POSTN: variants seen among roughly 807,000 people sequenced by gnomAD.
POSTN encodes periostin.
POSTN carries 71 observed loss-of-function variants against 104.5 expected under a neutral mutation model. That is an observed-to-expected ratio of 0.68 (90% CI 0.56 to 0.83). The LOEUF is 0.83. Ranked by LOEUF, POSTN falls within the 40% of genes least tolerant of loss-of-function variation. POSTN has a pLI of 0.00. For synonymous variants in POSTN, 355 were observed against 340.7 expected (o/e 1.04, Z -0.46); for missense variants, 949 against 1,006.8 (o/e 0.94, Z 0.78).
At chr13:37,573,108 G>A (rs1025507201) in intron 17 of POSTN, among the ~76,000 whole-genome samples, 1 of 151,462 alleles carries the variant, frequency 6.6e-6, no homozygotes, top group Non-Finnish European at 1.5e-5. Context: ...GTTGAATAAA[G>A]AAGCTTCAAA....
chr13:37,563,202 T>C lies in POSTN; in HGVS notation c.*131A>G. The stretch of plus-strand genomic sequence containing the variant: ...AGAAAAAAAAATATTAAATTTGTGT[T>C]CAGAATTATTTGATGATTGCTTCTT... On this transcript the variant is annotated 3_prime_UTR_variant, in exon 23 of 23. Transcript: ENST00000379747. 2.0e-6 allele frequency: 1 copy of C among 491,416 alleles called. No individual in the cohort carries two copies. Among genetic ancestry groups the C allele is most frequent in the Non-Finnish European group, 3.6e-6 (1 of 277,304 alleles). 30.4% of individuals were successfully genotyped at this position (491,416 alleles called of 1,614,324 possible).
chr13:37,590,764 G>A (rs1261689633), intron 3 of POSTN, among the ~76,000 whole-genome samples: 2 of 151,900 alleles, frequency 1.3e-5, no homozygotes, highest in Non-Finnish European at 2.9e-5. Flanking sequence ...AATTTAAACT[G>A]TCATCCTGGT....
chr13:37,580,110 AT>A (rs1950535326), intron 11 of POSTN, 119 bp from the exon 12 acceptor site: 1 of 919,372 alleles, frequency 1.1e-6, no homozygotes, highest in Non-Finnish European at 1.6e-6. Context: ...CTGCTCATAC[AT>A]TTTCATATGT....
At chr13:37,566,344 G>GT (rs1950100011) in intron 21 of POSTN, among the ~76,000 whole-genome samples, 1 of 152,122 alleles carries the variant, frequency 6.6e-6, no homozygotes, top group South Asian at 2.1e-4. Context: ...TTGCATGTTT[G>GT]TTTTTTGTAT....
At chr13:37,590,934 T>C (rs1349414991) in intron 3 of POSTN, among the ~76,000 whole-genome samples, 2 of 152,300 alleles carry the variant, frequency 1.3e-5, no homozygotes, top group Non-Finnish European at 2.9e-5. Context: ...GAGCAAATGA[T>C]TTAAAATATT....
In POSTN at chr13:37,584,823, T is replaced by C. The variant is rs1342432296; in HGVS notation, c.1001A>G (p.Asp334Gly). ...LEGNTIEIGC[D>G]GDSITVNGIK... ...TCCATTTACTGTTATACTGTCACCG[T>C]CACATCCTATCTCAATTGTATTTCC... Residue 334 changes from aspartate to glycine, a missense_variant, in exon 8 of 23, where the codon GAC becomes GGC. Coordinates refer to ENST00000379747, the MANE Select transcript of POSTN (RefSeq NM_006475.3). 3 of 1,613,932 alleles carry C rather than the reference T, an allele frequency of 1.9e-6. No homozygotes were observed. Among genetic ancestry groups the C allele is most frequent in the Middle Eastern group, 3.3e-4 (2 of 6,060 alleles).
At chr13:37,590,968 C>A (rs189803968) in intron 3 of POSTN, among the ~76,000 whole-genome samples, 1 of 152,038 alleles carries the variant, frequency 6.6e-6, no homozygotes, top group Non-Finnish European at 1.5e-5. Flanking sequence ...TTATTTCTCC[C>A]GAACGTCAGA....
chr13:37,582,600 A>G, intron 9 of POSTN, 86 bp from the exon 10 acceptor site: 1 of 1,235,212 alleles, frequency 8.1e-7, no homozygotes, highest in Non-Finnish European at 1.1e-6. Context: ...ATATAAACAG[A>G]TAATCCCTGA....
At chr13:37,597,429 A>G in intron 1 of POSTN, 147 bp from the exon 2 acceptor site, 1 of 605,782 alleles carries the variant, frequency 1.7e-6, no homozygotes, top group Non-Finnish European at 2.8e-6. Context: ...CTAATTATTG[A>G]CACAATCCTA....
In POSTN at chr13:37,587,856, T is replaced by A; in HGVS notation, c.572A>T (p.Asn191Ile). 4 of 1,604,272 alleles carry A rather than the reference T, an allele frequency of 2.5e-6. No homozygotes were observed. The highest frequency in any genetic ancestry group is 3.4e-6 in the Non-Finnish European group (4 of 1,172,384). Residue 191 changes from asparagine to isoleucine, a missense_variant, in exon 5 of 23, where the codon AAT becomes ATT. Asn to Ile is a moderately radical substitution (Grantham distance 149). Coordinates refer to ENST00000379747, the MANE Select transcript of POSTN (RefSeq NM_006475.3). Reference sequence around the variant, plus strand: ...ATAATGGTTAATGAAAAGCCCCAAATTGTTATACATTGAAGGAATAATCAT... The same window carrying A: ...ATAATGGTTAATGAAAAGCCCCAAAATGTTATACATTGAAGGAATAATCAT... ...NGMIIPSMYN[N>I]LGLFINHYPN...
At position 37,579,189 on chromosome 13, in the gene POSTN, A is replaced by G. The variant is rs748261703; in HGVS notation, c.1791+40T>C. 5 of 1,606,664 alleles carry G rather than the reference A, an allele frequency of 3.1e-6. No homozygotes were observed. The Admixed American group carries it at 6.7e-5, about 21-fold the overall frequency. On this transcript the variant is annotated intron_variant, in intron 13 of 22. Transcript: ENST00000379747. ...GGATGAATATTTAGATAACTTAATGATGGATGAACACTATCATAAATTCAT... is the reference window on the plus strand; with the variant it reads ...GGATGAATATTTAGATAACTTAATGGTGGATGAACACTATCATAAATTCAT...
chr13:37,564,567 T>C lies in POSTN; in HGVS notation c.2432-7A>G. ...AACTTCCTCACGGGTGTGTCTAAAA[T>C]TAAATTGTTGTAGTTAGAAATACTT... On this transcript the variant is annotated splice_region_variant and splice_polypyrimidine_tract_variant and intron_variant, in intron 21 of 22. Transcript: ENST00000379747. 1 of 1,587,380 alleles carries C rather than the reference T, an allele frequency of 6.3e-7. No homozygotes were observed. The highest frequency in any genetic ancestry group is 1.1e-5 in the South Asian group (1 of 89,338).
intron 15 of POSTN, 39 bp downstream of exon 15, chr13:37,578,798 CAAAAAAA>C (rs60857655): frequency 2.2e-5 from 25 of 1,126,678 alleles, no homozygotes; most frequent in Admixed American, 7.8e-5. Context: ...GACTCCATCT[CAAAAAAA>C]AAAAAAAAAA....
At chr13:37,595,837 G>C (rs1449650351) in intron 2 of POSTN, among the ~76,000 whole-genome samples, 1 of 145,470 alleles carries the variant, frequency 6.9e-6, no homozygotes, top group East Asian at 2.0e-4. Flanking sequence ...TTGAGACAGA[G>C]TCTCACTCTG....
At chr13:37,578,240 T>C (rs1950472169) in intron 15 of POSTN, among the ~76,000 whole-genome samples, 1 of 152,192 alleles carries the variant, frequency 6.6e-6, no homozygotes, top group South Asian at 2.1e-4. Context: ...TAAATTGGAC[T>C]GTAAACTTTT....
intron 22 of POSTN, 117 bp from the exon 23 acceptor site, chr13:37,563,487 G>A: frequency 2.1e-6 from 1 of 471,600 alleles, no homozygotes; most frequent in Non-Finnish European, 3.5e-6. Context: ...ATAAACCTTA[G>A]ATTATGTTTT....
chr13:37,589,114 A>G (rs1405277262), intron 4 of POSTN, among the ~76,000 whole-genome samples: 1 of 152,152 alleles, frequency 6.6e-6, no homozygotes, highest in Non-Finnish European at 1.5e-5. Context: ...AAAATTGCAT[A>G]TGTTTTAGAT....
At chr13:37,592,281 GTT>G (rs67303425) in intron 2 of POSTN, 117 bp from the exon 3 acceptor site, 14 of 636,352 alleles carry the variant, frequency 2.2e-5, no homozygotes, top group African/African-American at 7.6e-5. Context: ...TAAAAATCAG[GTT>G]TTTTTTCCCC....
At chr13:37,573,326 A>C (rs771155255) in intron 17 of POSTN, among the ~76,000 whole-genome samples, 1 of 151,450 alleles carries the variant, frequency 6.6e-6, no homozygotes, top group African/African-American at 2.4e-5. Context: ...AAACTTTCTG[A>C]TTTAATTTCT....
Sources: allele counts gnomAD v4.1 joint callset (sites outside exome capture counted in the v4.1 genomes callset), GRCh38; gene constraint gnomAD v4.1.1; transcripts MANE v1.5; gene names NCBI Gene and HGNC (gene_info 2026-07-23, HGNC 2026-07-21).